The following LINGO2 variants were observed in gnomAD, a reference collection of about 807,000 sequenced individuals.
The protein encoded by LINGO2 is leucine rich repeat and Ig domain containing 2.
In LINGO2, 14 loss-of-function variants were observed where a neutral mutation model predicts 30.6. The ratio of observed to expected loss-of-function variants is 0.46; its 90% CI spans 0.30 to 0.72. The LOEUF (loss-of-function observed/expected upper bound fraction) is 0.72, where lower values mean the gene tolerates loss of function less well. Ranked by LOEUF, LINGO2 falls within the 30% of genes least tolerant of loss-of-function variation. The pLI is 0.07. For missense variants in LINGO2, 729 were observed against 751.7 expected, an observed-to-expected ratio of 0.97 and a Z score of 0.35; for synonymous variants, 317 against 288.5, an observed-to-expected ratio of 1.10 and a Z score of -1.00.
chr9:28,706,573 G>C, the LINGO2 span, among the ~76,000 whole-genome samples: 1 of 152,064 alleles, frequency 6.6e-6, no homozygotes, highest in Non-Finnish European at 1.5e-5. Flanking sequence ...AACTTTTGAA[G>C]CTTTAAAACA....
chr9:29,083,217 A>ATGTGGCAC, the LINGO2 span, among the ~76,000 whole-genome samples: 1 of 152,218 alleles, frequency 6.6e-6, no homozygotes, highest in Non-Finnish European at 1.5e-5. Flanking sequence ...GATTAAGAAA[A>ATGTGGCAC]TGTGGCACAT....
the LINGO2 span, among the ~76,000 whole-genome samples, chr9:28,891,556 T>C: frequency 6.6e-6 from 1 of 151,918 alleles, no homozygotes; most frequent in African/African-American, 2.4e-5. Flanking sequence ...ACATTGTCAT[T>C]ATAATGAAGT....
At chr9:28,997,089 A>T in the LINGO2 span, among the ~76,000 whole-genome samples, 2 of 152,126 alleles carry the variant, frequency 1.3e-5, no homozygotes, top group Non-Finnish European at 2.9e-5. Flanking sequence ...ATGCCATTGA[A>T]ATACCCTACT....
chr9:28,442,287 G>A (rs1051919173), intron 2 of LINGO2, among the ~76,000 whole-genome samples: 3 of 150,704 alleles, frequency 2.0e-5, no homozygotes, highest in Admixed American at 6.6e-5. Flanking sequence ...ATGACCAACC[G>A]AAATCCTACC....
chr9:28,046,617 CTG>C (rs1824432900), intron 4 of LINGO2, among the ~76,000 whole-genome samples: 1 of 152,156 alleles, frequency 6.6e-6, no homozygotes, highest in African/African-American at 2.4e-5. Context: ...AAAGATTTTA[CTG>C]TCTCCTTGAA....
chr9:27,953,956 G>A (rs1156431077), intron 5 of LINGO2, among the ~76,000 whole-genome samples: 1 of 151,978 alleles, frequency 6.6e-6, no homozygotes, highest in Non-Finnish European at 1.5e-5. Flanking sequence ...ACTTTTTGAG[G>A]TGGTGGGATT....
upstream of LINGO2, among the ~76,000 whole-genome samples, chr9:28,674,370 G>A (rs553542994): frequency 2.0e-5 from 3 of 152,160 alleles, no homozygotes; most frequent in South Asian, 6.2e-4. Context: ...GAAAACGAAG[G>A]AAACGATCTC....
chr9:28,959,610 C>CTCTCTCTCTCT, the LINGO2 span, among the ~76,000 whole-genome samples: 1,167 of 141,644 alleles, frequency 8.2e-3, 21 homozygotes, highest in African/African-American at 0.03. Context: ...TCTCTCTCTC[C>CTCTCTCTCTCT]CTCACACACA....
the LINGO2 span, among the ~76,000 whole-genome samples, chr9:29,048,158 T>C: frequency 1.3e-5 from 2 of 151,822 alleles, no homozygotes; most frequent in Non-Finnish European, 2.9e-5. Flanking sequence ...ATCAGTGTCA[T>C]TTCTATATGC....
At chr9:28,071,409 G>T (rs751888927) in intron 4 of LINGO2, among the ~76,000 whole-genome samples, 2 of 151,728 alleles carry the variant, frequency 1.3e-5, no homozygotes, top group Non-Finnish European at 2.9e-5. Context: ...TTCTACTGTT[G>T]GTACCTTTTC....
At chr9:28,940,782 G>A in the LINGO2 span, among the ~76,000 whole-genome samples, 3 of 152,094 alleles carry the variant, frequency 2.0e-5, no homozygotes, top group African/African-American at 7.2e-5. Context: ...CTATTTAATA[G>A]GCAGCTCTTA....
At chr9:29,094,510 G>A in the LINGO2 span, among the ~76,000 whole-genome samples, 2 of 138,662 alleles carry the variant, frequency 1.4e-5, 1 homozygote, top group Non-Finnish European at 3.1e-5. Flanking sequence ...AATTATGTGG[G>A]TGCTTAAATC....
chr9:28,995,064 C>G, the LINGO2 span, among the ~76,000 whole-genome samples: 1 of 151,790 alleles, frequency 6.6e-6, no homozygotes, highest in South Asian at 2.1e-4. Context: ...AAAGAAACTA[C>G]CATCAGAGTG....
chr9:28,223,353 G>A (rs899471326), intron 4 of LINGO2, among the ~76,000 whole-genome samples: 3 of 152,096 alleles, frequency 2.0e-5, no homozygotes, highest in Admixed American at 2.0e-4. Flanking sequence ...CATGGAAGAA[G>A]GCATAAGGGC....
chr9:28,049,873 T>G (rs1402109079), intron 4 of LINGO2, among the ~76,000 whole-genome samples: 2 of 150,626 alleles, frequency 1.3e-5, no homozygotes, highest in Non-Finnish European at 2.9e-5. Context: ...CCTCTGAAGA[T>G]TTTTAAATCA....
intron 4 of LINGO2, among the ~76,000 whole-genome samples, chr9:28,087,315 C>T (rs757783429): frequency 4.6e-5 from 7 of 151,990 alleles, no homozygotes; most frequent in Non-Finnish European, 8.8e-5. Context: ...ATTTGTTATA[C>T]AGCATTTTTG....
chr9:28,893,274 C>A, the LINGO2 span, among the ~76,000 whole-genome samples: 1 of 152,006 alleles, frequency 6.6e-6, no homozygotes, highest in African/African-American at 2.4e-5. Context: ...TTACTTTTCA[C>A]ATTTCTCAAT....
chr9:28,429,711 C>T (rs561768621), intron 2 of LINGO2, among the ~76,000 whole-genome samples: 2 of 152,286 alleles, frequency 1.3e-5, no homozygotes, highest in African/African-American at 4.8e-5. Flanking sequence ...ATACTCATCA[C>T]CACTAAAGTA....
At chr9:27,943,416 T>C (rs1823243431), downstream of LINGO2, 1 of 152,156 alleles carries the variant, frequency 6.6e-6, no homozygotes, top group African/African-American at 2.4e-5. Flanking sequence ...AGTACTCTCT[T>C]GATTATGCCA....
Sources: allele counts gnomAD v4.1 joint callset (sites outside exome capture counted in the v4.1 genomes callset), GRCh38; gene constraint gnomAD v4.1.1; transcripts MANE v1.5; gene names NCBI Gene and HGNC (gene_info 2026-07-23, HGNC 2026-07-21).